Variants in STK32B observed in about 807,000 individuals in gnomAD.
The protein encoded by STK32B is serine/threonine kinase 32B, also known as serine/threonine-protein kinase 32B.
In STK32B, 43 loss-of-function variants were observed where a neutral mutation model predicts 52.6. The observed-to-expected ratio is 0.82, with a 90% CI of 0.64 to 1.05. The LOEUF (loss-of-function observed/expected upper bound fraction) is 1.05, where lower values mean the gene tolerates loss of function less well. STK32B is among the 50% of genes least tolerant of loss of function. The pLI is 0.00. For synonymous variants in STK32B, 238 were observed against 204.3 expected (o/e 1.17, Z -1.41); for missense variants, 621 against 534.6 (o/e 1.16, Z -1.59).
chr4:5,123,226 T>C (rs1715168201), intron 1 of STK32B, among the ~76,000 whole-genome samples: 1 of 152,130 alleles, frequency 6.6e-6, no homozygotes, highest in Non-Finnish European at 1.5e-5. Context: ...CTGTGTCCCG[T>C]GGTCTTGCTG....
intron 3 of STK32B, among the ~76,000 whole-genome samples, chr4:5,244,826 C>A (rs1455831583): frequency 1.3e-5 from 2 of 152,132 alleles, no homozygotes; most frequent in East Asian, 3.9e-4. Context: ...GCCTTCATTT[C>A]ATTATGTACC....
intron 6 of STK32B, among the ~76,000 whole-genome samples, chr4:5,425,568 A>G (rs1212027953): frequency 6.6e-6 from 1 of 151,140 alleles, no homozygotes; most frequent in Non-Finnish European, 1.5e-5. Context: ...AAGTATTCCT[A>G]CCCTCATTGG....
Position 5,172,333 on chromosome 4 carries a change from C to T in STK32B, c.260+3883C>T, listed in dbSNP as rs370163200. On this transcript the variant is annotated intron_variant, in intron 3 of 11. Transcript: ENST00000282908. ...CCTGCCTGATTGCCCTGGCCAGAAC[C>T]TCCAACACTATGTTGAATAGGAGTG... Among the ~76,000 whole-genome samples the T allele has an allele frequency of 3.9e-3, 588 of 152,084 alleles. 3 individuals carry two copies. Among genetic ancestry groups the T allele is most frequent in the Non-Finnish European group, 4.8e-3 (329 of 67,990 alleles).
At chr4:5,282,564 G>A (rs778764800) in intron 3 of STK32B, among the ~76,000 whole-genome samples, 2 of 152,042 alleles carry the variant, frequency 1.3e-5, no homozygotes, top group African/African-American at 2.4e-5. Flanking sequence ...TCTTCTTGTG[G>A]TGATGTGAGA....
intron 3 of STK32B, among the ~76,000 whole-genome samples, chr4:5,318,927 G>C (rs1380148611): frequency 6.6e-6 from 1 of 151,932 alleles, no homozygotes; most frequent in Non-Finnish European, 1.5e-5. Flanking sequence ...AGCCTCCTCA[G>C]TATCTGGGAC....
intron 1 of STK32B, among the ~76,000 whole-genome samples, chr4:5,083,944 C>T (rs921763499): frequency 6.6e-6 from 1 of 152,134 alleles, no homozygotes; most frequent in Admixed American, 6.5e-5. Context: ...ACCTTGTTGG[C>T]CAGGCTAGTC....
intron 4 of STK32B, among the ~76,000 whole-genome samples, chr4:5,383,927 A>C (rs532213070): frequency 1.3e-5 from 2 of 152,338 alleles, no homozygotes; most frequent in Non-Finnish European, 2.9e-5. Flanking sequence ...ACGTGGATAC[A>C]GTGTCAGGCA....
At position 5,453,953 on chromosome 4, in the gene STK32B, T is replaced by C. The variant is rs1424945449; in HGVS notation, c.667-2854T>C. Among the ~76,000 whole-genome samples, 1 of 151,690 alleles carries C rather than the reference T, an allele frequency of 6.6e-6. No homozygotes were observed. The highest frequency in any genetic ancestry group is 6.6e-5 in the Admixed American group (1 of 15,240). On this transcript the variant is annotated intron_variant, in intron 7 of 11. Transcript: ENST00000282908. The surrounding 1 kb of genome is among the most constrained non-coding windows in gnomAD (Gnocchi z 4.0). ...AACTCAGCCCCAGCTCATCTCCCAG[T>C]GGTAGCCCTGAGCTCTGGGTCTCCT...
At chr4:5,355,775 G>A (rs573056858) in intron 4 of STK32B, among the ~76,000 whole-genome samples, 1 of 152,276 alleles carries the variant, frequency 6.6e-6, no homozygotes, top group South Asian at 2.1e-4. Flanking sequence ...ACATTAAGAA[G>A]ATATGATACC....
chr4:5,498,139 T>C (rs1321507850), intron 11 of STK32B, among the ~76,000 whole-genome samples: 4 of 152,126 alleles, frequency 2.6e-5, no homozygotes, highest in Non-Finnish European at 4.4e-5. Flanking sequence ...AGGATGTGAG[T>C]TGAGTTCTTC....
intron 1 of STK32B, among the ~76,000 whole-genome samples, chr4:5,086,377 A>G (rs1712732022): frequency 6.6e-6 from 1 of 152,178 alleles, no homozygotes. Context: ...CTAAGAGTTT[A>G]AGGAAATCTC....
At chr4:5,121,830 A>ATCCT (rs1388678666) in intron 1 of STK32B, among the ~76,000 whole-genome samples, 3 of 152,178 alleles carry the variant, frequency 2.0e-5, no homozygotes, top group African/African-American at 7.2e-5. Flanking sequence ...GGGACAGGCC[A>ATCCT]GGGACAATCA....
At chr4:5,444,293 T>C (rs1213381674) in intron 6 of STK32B, among the ~76,000 whole-genome samples, 3 of 152,182 alleles carry the variant, frequency 2.0e-5, no homozygotes, top group Non-Finnish European at 1.5e-5. Context: ...GTGCGGGATA[T>C]AATCTTGTGG....
chr4:5,478,267 C>G (rs1718389645), intron 11 of STK32B, among the ~76,000 whole-genome samples: 1 of 152,154 alleles, frequency 6.6e-6, no homozygotes, highest in Non-Finnish European at 1.5e-5. Context: ...GACTCAGAAA[C>G]CAGAGACTGC....
Position 5,446,692 on chromosome 4 carries a change from G to T in STK32B, c.582G>T (p.Val194=). 1 of 1,614,062 alleles carries T rather than the reference G, an allele frequency of 6.2e-7. No individual in the cohort carries two copies. Among genetic ancestry groups the T allele is most frequent in the Admixed American group, 1.7e-5 (1 of 60,020 alleles). The change falls in exon 7 of 12, where the codon GTG becomes GTT. Residue 194 remains valine (V), a synonymous_variant. Transcript: ENST00000282908. ...KPYMAPEVFQ[V]YMDRGPGYSY... is the part of the protein sequence containing the mutation. ...TGGCAGCTCCAGAAGTATTCCAGGT[G>T]TACATGGACAGAGGCCCCGGATACT...
intron 3 of STK32B, among the ~76,000 whole-genome samples, chr4:5,221,157 T>A (rs539132569): frequency 1.3e-5 from 2 of 152,202 alleles, no homozygotes; most frequent in African/African-American, 4.8e-5. Context: ...CTCCCCTAGA[T>A]TGATGGGTTA....
At chr4:5,368,875 A>G (rs779321702) in intron 4 of STK32B, among the ~76,000 whole-genome samples, 2 of 152,152 alleles carry the variant, frequency 1.3e-5, no homozygotes, top group Non-Finnish European at 2.9e-5. Context: ...ATGCTGGGGC[A>G]GAGGAGGGGT....
At chr4:5,169,117 G>A (rs1448245106) in intron 3 of STK32B, among the ~76,000 whole-genome samples, 4 of 152,164 alleles carry the variant, frequency 2.6e-5, no homozygotes, top group Admixed American at 2.6e-4. Context: ...AAACCCTTAG[G>A]TCAAGAGCCC....
chr4:5,121,462 T>G (rs1278596748), intron 1 of STK32B, among the ~76,000 whole-genome samples: 1 of 152,130 alleles, frequency 6.6e-6, no homozygotes. Context: ...GAACAGATCA[T>G]AAAACTAGTG....
Sources: allele counts gnomAD v4.1 joint callset (sites outside exome capture counted in the v4.1 genomes callset), GRCh38; gene constraint gnomAD v4.1.1; non-coding constraint Gnocchi (gnomAD v3.1); transcripts MANE v1.5; gene names NCBI Gene and HGNC (gene_info 2026-07-23, HGNC 2026-07-21).